Variants in NAALADL2 observed in about 807,000 individuals in gnomAD.
NAALADL2 encodes inactive N-acetylated-alpha-linked acidic dipeptidase-like protein 2.
A neutral mutation model predicts 87.2 loss-of-function variants in NAALADL2; 76 were observed. The ratio of observed to expected loss-of-function variants is 0.87; its 90% CI spans 0.72 to 1.05. The LOEUF (loss-of-function observed/expected upper bound fraction) is 1.05. Ranked by LOEUF, NAALADL2 falls within the 50% of genes least tolerant of loss-of-function variation. The pLI, the probability that NAALADL2 is intolerant of heterozygous loss-of-function variation, is 0.00. For missense variants in NAALADL2, 1,089 were observed against 945.8 expected (o/e 1.15, Z -1.99); for synonymous variants, 354 against 331.0 (o/e 1.07, Z -0.75).
At chr3:174,881,892 T>C (rs1729236279) in intron 1 of NAALADL2, among the ~76,000 whole-genome samples, 3 of 152,164 alleles carry the variant, frequency 2.0e-5, no homozygotes. Context: ...CTTGTAGATC[T>C]ACTGTTATGT....
intron 1 of NAALADL2, among the ~76,000 whole-genome samples, chr3:174,447,805 ACT>A (rs1240445130): frequency 1.3e-5 from 2 of 152,220 alleles, no homozygotes; most frequent in East Asian, 3.9e-4. Flanking sequence ...ACAGAGCGAG[ACT>A]CTGTCTCAAA....
rs926535735 is a variant in NAALADL2 at position 175,600,328 on chromosome 3, T to C, written c.1800+24141T>C. ...TTTCTTAAGTTTCTGAAGAATCACA[T>C]CTTATTGCATAGCAGATGTTTTGTC... On this transcript the variant is annotated intron_variant, in intron 10 of 13. Coordinates refer to ENST00000454872, the MANE Select transcript of NAALADL2 (RefSeq NM_207015.3). Among the ~76,000 whole-genome samples the C allele has an allele frequency of 5.3e-5, 8 of 151,814 alleles. No homozygotes were observed. The South Asian group carries it at 1.5e-3, about 28-fold the overall frequency.
At chr3:174,816,784 C>A (rs901898627) in intron 3 of NAALADL2, among the ~76,000 whole-genome samples, 4 of 151,982 alleles carry the variant, frequency 2.6e-5, no homozygotes, top group African/African-American at 9.7e-5. Context: ...AGCCCCTAGC[C>A]CTGACAGTTA....
chr3:175,168,665 A>G (rs1734337132), intron 2 of NAALADL2, among the ~76,000 whole-genome samples: 1 of 151,712 alleles, frequency 6.6e-6, no homozygotes. Context: ...TGAGATATTG[A>G]TATCTTTTTT....
chr3:175,047,468 C>G (rs958438172), intron 1 of NAALADL2, among the ~76,000 whole-genome samples: 1 of 151,988 alleles, frequency 6.6e-6, no homozygotes, highest in African/African-American at 2.4e-5. Flanking sequence ...ACATAAATGA[C>G]AGATATTACA....
intron 2 of NAALADL2, among the ~76,000 whole-genome samples, chr3:174,566,900 G>T (rs1241532843): frequency 6.6e-6 from 1 of 151,326 alleles, no homozygotes. Flanking sequence ...CAAAACAAAA[G>T]GTATGTTTTA....
intron 2 of NAALADL2, among the ~76,000 whole-genome samples, chr3:174,669,366 G>T (rs1726302368): frequency 6.6e-6 from 1 of 151,878 alleles, no homozygotes; most frequent in African/African-American, 2.4e-5. Flanking sequence ...TCTGTAGGTT[G>T]CCTGTTCACT....
chr3:175,166,444 A>G (rs902554244), intron 2 of NAALADL2, among the ~76,000 whole-genome samples: 3 of 152,002 alleles, frequency 2.0e-5, no homozygotes, highest in African/African-American at 7.2e-5. Context: ...CTGCCTTTCT[A>G]TTAGAATATC....
chr3:175,407,893 T>C (rs1712694619), intron 5 of NAALADL2, among the ~76,000 whole-genome samples: 1 of 152,204 alleles, frequency 6.6e-6, no homozygotes, highest in Admixed American at 6.5e-5. Flanking sequence ...CTAATGGGAA[T>C]CTTAAAAAGG....
chr3:174,881,899 AT>A (rs1419765786), intron 1 of NAALADL2, among the ~76,000 whole-genome samples: 1 of 152,068 alleles, frequency 6.6e-6, no homozygotes, highest in African/African-American at 2.4e-5. Context: ...ATCTACTGTT[AT>A]GTTTTATTTC....
chr3:175,715,614 A>G (rs1196858907), intron 11 of NAALADL2, among the ~76,000 whole-genome samples: 1 of 152,088 alleles, frequency 6.6e-6, no homozygotes, highest in Non-Finnish European at 1.5e-5. Flanking sequence ...GGTGGCTCAC[A>G]CCTGTAACCC....
intron 11 of NAALADL2, among the ~76,000 whole-genome samples, chr3:175,723,212 G>A (rs2150040048): frequency 6.6e-6 from 1 of 152,194 alleles, no homozygotes; most frequent in South Asian, 2.1e-4. Flanking sequence ...TCAGGTTCCG[G>A]AAAATAGTCA....
chr3:175,602,458 C>A (rs74894816), intron 10 of NAALADL2, among the ~76,000 whole-genome samples: 3 of 149,204 alleles, frequency 2.0e-5, no homozygotes, highest in Admixed American at 6.6e-5. Context: ...ATGTGTGTAT[C>A]TATATATATA....
At chr3:175,341,552 C>T (rs559618434) in intron 5 of NAALADL2, among the ~76,000 whole-genome samples, 32 of 152,172 alleles carry the variant, frequency 2.1e-4, no homozygotes, top group African/African-American at 7.2e-4. Flanking sequence ...CATGTGGTAA[C>T]TTTGTATTTA....
At chr3:175,594,181 ATT>A (rs1721930560) in intron 10 of NAALADL2, among the ~76,000 whole-genome samples, 1 of 151,888 alleles carries the variant, frequency 6.6e-6, no homozygotes. Context: ...CTCAGTGTCT[ATT>A]GTTCCCATGT....
intron 9 of NAALADL2, among the ~76,000 whole-genome samples, chr3:175,477,381 T>C (rs1339240818): frequency 1.3e-5 from 2 of 152,158 alleles, no homozygotes; most frequent in Admixed American, 1.3e-4. Context: ...TTCAGAATGA[T>C]GATATTTAGC....
chr3:174,585,889 C>T (rs1484359336), intron 2 of NAALADL2, among the ~76,000 whole-genome samples: 1 of 152,128 alleles, frequency 6.6e-6, no homozygotes, highest in Non-Finnish European at 1.5e-5. Flanking sequence ...GTGATGAACT[C>T]CATAACTTTG....
chr3:174,979,300 TTTTC>T (rs1448169288), intron 1 of NAALADL2, among the ~76,000 whole-genome samples: 1 of 118,758 alleles, frequency 8.4e-6, no homozygotes, highest in South Asian at 2.4e-4. Flanking sequence ...TCTTTCTTTC[TTTTC>T]TTTTTTTTTT....
intron 9 of NAALADL2, among the ~76,000 whole-genome samples, chr3:175,555,366 C>T (rs1290433125): frequency 6.6e-6 from 1 of 152,116 alleles, no homozygotes; most frequent in South Asian, 2.1e-4. Flanking sequence ...ACATTTATTG[C>T]ATTATTTACT....
Sources: allele counts gnomAD v4.1 joint callset (sites outside exome capture counted in the v4.1 genomes callset), GRCh38; gene constraint gnomAD v4.1.1; transcripts MANE v1.5; gene names NCBI Gene and HGNC (gene_info 2026-07-23, HGNC 2026-07-21).